Variants in ZBTB2 observed in about 807,000 individuals in gnomAD.
The protein encoded by ZBTB2 is zinc finger and BTB domain-containing protein 2.
A neutral mutation model predicts 39.5 loss-of-function variants in ZBTB2; 2 were observed. That is an observed-to-expected ratio of 0.05 (90% confidence interval 0.02 to 0.16). The LOEUF is 0.16. Ranked by LOEUF, ZBTB2 falls within the 10% of genes least tolerant of loss-of-function variation. The pLI is 1.00. For synonymous variants in ZBTB2, 251 were observed against 256.6 expected (o/e 0.98, Z 0.21); for missense variants, 391 against 653.0 (o/e 0.60, Z 4.37).
At position 151,390,244 on chromosome 6, in the gene ZBTB2, G is replaced by A. The variant is rs1359311700; in HGVS notation, c.-13+1176C>T. On this transcript the variant is annotated intron_variant, in intron 1 of 2. Transcript: ENST00000325144. ...ACAGAGGCCGACGCGTCCCCCGCCCGCCTGAGCGCGCCGCAACAGCCACCT... is the reference window on the plus strand; with the variant it reads ...ACAGAGGCCGACGCGTCCCCCGCCCACCTGAGCGCGCCGCAACAGCCACCT... Among the ~76,000 whole-genome samples, 5 of 150,796 alleles carry A rather than the reference G, an allele frequency of 3.3e-5. No homozygotes were observed. In the South Asian group the frequency reaches 6.2e-4, roughly 19 times the overall value.
chr6:151,367,206 C>T (rs376332442), intron 2 of ZBTB2, among the ~76,000 whole-genome samples: 38 of 152,010 alleles, frequency 2.5e-4, no homozygotes, highest in African/African-American at 8.4e-4. Context: ...CTGCAAGCTC[C>T]GCCTCCCAGG....
At chr6:151,388,875 G>A (rs542939251) in intron 1 of ZBTB2, among the ~76,000 whole-genome samples, 196 of 152,328 alleles carry the variant, frequency 1.3e-3, no homozygotes, top group Non-Finnish European at 2.3e-3. Context: ...CCTTTGAAGA[G>A]AAGCTTTAAA....
intron 1 of ZBTB2, among the ~76,000 whole-genome samples, chr6:151,389,321 A>G (rs1779232922): frequency 6.6e-6 from 1 of 152,220 alleles, no homozygotes; most frequent in South Asian, 2.1e-4. Context: ...CATCCTGGAT[A>G]CACAACAAGA....
chr6:151,376,619 A>C (rs537332333), intron 1 of ZBTB2, among the ~76,000 whole-genome samples: 1 of 152,354 alleles, frequency 6.6e-6, no homozygotes, highest in Non-Finnish European at 1.5e-5. Flanking sequence ...ACCACTAGCC[A>C]CTAGGGAAAA....
At position 151,381,691 on chromosome 6, in the gene ZBTB2, C is replaced by T. The variant is rs893709742; in HGVS notation, c.-12-8042G>A. ...TCCCATACTCTGGTGCTAACCTAAA[C>T]TAATGCTTTCCAGGCTTTCTGATTT... On this transcript the variant is annotated intron_variant, in intron 1 of 2. Transcript: ENST00000325144. Among the ~76,000 whole-genome samples the T allele has an allele frequency of 3.3e-5, 5 of 152,296 alleles. No homozygotes were observed. In the East Asian group the frequency reaches 9.6e-4, roughly 29 times the overall value.
At chr6:151,389,040 G>C (rs185460535) in intron 1 of ZBTB2, among the ~76,000 whole-genome samples, 92 of 152,308 alleles carry the variant, frequency 6.0e-4, no homozygotes, top group African/African-American at 2.2e-3. Context: ...ACAATTCTTT[G>C]TCTAGCAAAC....
chr6:151,367,246 G>A (rs985274227), intron 2 of ZBTB2, among the ~76,000 whole-genome samples: 18 of 151,810 alleles, frequency 1.2e-4, no homozygotes, highest in African/African-American at 2.9e-4. Context: ...TCAGCCTCCC[G>A]AGTAGCTGGG....
At position 151,366,982 on chromosome 6, in the gene ZBTB2, A is replaced by C; in HGVS notation, c.174-90T>G. 7.5e-7 allele frequency: 1 copy of C among 1,336,884 alleles called. No homozygotes were observed. Among genetic ancestry groups the C allele is most frequent in the Middle Eastern group, 2.2e-4 (1 of 4,500 alleles). The allele number at this position is 1,336,884 out of a possible 1,614,324, so 82.8% of individuals were successfully genotyped here. A position where few individuals can be genotyped will look rare whatever the true frequency, so the allele number is the denominator to read the frequency against. ...AGAAAAAAATGAATGCTTAAAAACA[A>C]AGGAAACAACATTTCCTATCCTTGA... On this transcript the variant is annotated intron_variant, in intron 2 of 2. Transcript: ENST00000325144. The surrounding 1 kb of genome is among the most constrained non-coding windows in gnomAD (Gnocchi z 7.1).
chr6:151,368,768 T>C (rs532285630), intron 2 of ZBTB2, among the ~76,000 whole-genome samples: 43 of 151,128 alleles, frequency 2.8e-4, no homozygotes, highest in African/African-American at 9.2e-4. Context: ...TTCTTTCTTT[T>C]TTTTTTTAAT....
intron 1 of ZBTB2, among the ~76,000 whole-genome samples, chr6:151,388,185 G>A (rs1474555360): frequency 6.6e-6 from 1 of 152,094 alleles, no homozygotes; most frequent in Admixed American, 6.6e-5. Flanking sequence ...CCTTTCCCAG[G>A]TGCATTTGGT....
rs2114847725 is a variant in ZBTB2 at position 151,365,590 on chromosome 6, T to C, written c.1476A>G (p.Glu492=). The change falls in exon 3 of 3, where the codon GAA becomes GAG. Residue 492 remains glutamate, a synonymous_variant. Transcript: ENST00000325144. The surrounding 1 kb of genome is among the most constrained non-coding windows in gnomAD (Gnocchi z 5.6). ...ACACTGGGTGGTCAGGCTCCGTTAC[T>C]TCCGAGTCCCCACTGCCCAGGAGAA... ...RSILLGSGDS[E]VTEPDHPVLA... 1 of 1,614,238 alleles carries C rather than the reference T, an allele frequency of 6.2e-7. No homozygotes were observed. Among genetic ancestry groups the C allele is most frequent in the East Asian group, 2.2e-5 (1 of 44,886 alleles).
chr6:151,371,714 A>G (rs1778793012), intron 2 of ZBTB2, among the ~76,000 whole-genome samples: 1 of 152,210 alleles, frequency 6.6e-6, no homozygotes, highest in African/African-American at 2.4e-5. Flanking sequence ...TTCTGATCCA[A>G]CGAATAACCC....
Position 151,366,767 on chromosome 6 carries a change from T to C in ZBTB2, c.299A>G (p.Lys100Arg). ...IDPVRLEQGIKFLHAYPLIQE... is the reference protein window; with the variant it reads ...IDPVRLEQGIRFLHAYPLIQE... ...AATGAGCGGGTAGGCGTGCAGAAAC[T>C]TGATGCCCTGTTCTAATCGAACCGG... Residue 100 changes from lysine (K) to arginine (R), a missense_variant, in exon 3 of 3, where the codon AAG (lysine) becomes AGG (arginine). Transcript: ENST00000325144. The surrounding 1 kb of genome is among the most constrained non-coding windows in gnomAD (Gnocchi z 7.1). 1 of 1,614,160 alleles carries C rather than the reference T, an allele frequency of 6.2e-7. No individual in the cohort carries two copies. The highest frequency in any genetic ancestry group is 8.5e-7 in the Non-Finnish European group (1 of 1,180,018).
intron 1 of ZBTB2, among the ~76,000 whole-genome samples, chr6:151,385,764 G>C (rs1380242446): frequency 2.0e-5 from 3 of 152,190 alleles, no homozygotes; most frequent in African/African-American, 7.2e-5. Context: ...AGGATGAAAA[G>C]CTGATTTTTC....
At chr6:151,376,757 G>C (rs931279107) in intron 1 of ZBTB2, among the ~76,000 whole-genome samples, 7 of 152,102 alleles carry the variant, frequency 4.6e-5, no homozygotes, top group African/African-American at 1.7e-4. Flanking sequence ...AATGTAAAAT[G>C]GTACAGCCAC....
At chr6:151,374,084 T>C (rs1292812915) in intron 1 of ZBTB2, among the ~76,000 whole-genome samples, 3 of 152,014 alleles carry the variant, frequency 2.0e-5, no homozygotes, top group Non-Finnish European at 2.9e-5. Context: ...AGATTCCAAA[T>C]GGAAATTCTA....
intron 1 of ZBTB2, among the ~76,000 whole-genome samples, chr6:151,383,993 T>C (rs1178769823): frequency 6.6e-6 from 1 of 152,164 alleles, no homozygotes; most frequent in Non-Finnish European, 1.5e-5. Context: ...AGAAGAGTGC[T>C]GAGTTCCAGT....
chr6:151,377,642 C>A lies in ZBTB2; in HGVS notation c.-12-3993G>T, dbSNP rs62441543. 4.2e-3 allele frequency among the ~76,000 whole-genome samples: 620 copies of A among 148,572 alleles called. 4 individuals are homozygous for A. Among genetic ancestry groups the A allele is most frequent in the Non-Finnish European group, 7.5e-3 (509 of 67,622 alleles). Reference sequence around the variant, plus strand: ...TGACACCTCCGTTGCTGGGTTCAAGCGATTCTCCCGCCTCAGCCTCCCGAG... The same window carrying A: ...TGACACCTCCGTTGCTGGGTTCAAGAGATTCTCCCGCCTCAGCCTCCCGAG... On this transcript the variant is annotated intron_variant, in intron 1 of 2. Coordinates refer to ENST00000325144, the MANE Select transcript of ZBTB2 (RefSeq NM_020861.3).
At chr6:151,375,934 T>A (rs1343552269) in intron 1 of ZBTB2, among the ~76,000 whole-genome samples, 1 of 152,168 alleles carries the variant, frequency 6.6e-6, no homozygotes, top group Non-Finnish European at 1.5e-5. Flanking sequence ...CAAGATGTAG[T>A]ACATTGCTAT....
Sources: gnomAD v4.1 joint callset for allele counts (sites outside exome capture counted in the v4.1 genomes callset) on GRCh38, gnomAD v4.1.1 for gene constraint, Gnocchi (gnomAD v3.1) non-coding constraint, MANE v1.5 for transcripts, NCBI Gene and HGNC (gene_info 2026-07-23, HGNC 2026-07-21) for gene names.